The following SLC8A1 variants were observed in gnomAD, a reference collection of about 807,000 sequenced individuals.
SLC8A1 encodes sodium/calcium exchanger 1.
Under a neutral mutation model 68.3 loss-of-function variants are expected in SLC8A1, and 18 were observed. That is an observed-to-expected ratio of 0.26 (90% CI 0.18 to 0.39). The LOEUF is 0.39. Among genes scored for constraint, SLC8A1 ranks in the 10% least tolerant of loss-of-function variants. SLC8A1 has a pLI of 1.00. For missense variants in SLC8A1, 985 were observed against 1,156.7 expected (o/e 0.85, Z 2.15); for synonymous variants, 475 against 415.5 (o/e 1.14, Z -1.74).
chr2:40,488,737 C>T (rs1044108182), intron 1 of SLC8A1, among the ~76,000 whole-genome samples: 9 of 151,858 alleles, frequency 5.9e-5, no homozygotes, highest in East Asian at 1.9e-4. Context: ...TTCTTTGTGC[C>T]GTGTTAATAT....
chr2:40,133,488 G>T (rs1376698187), intron 7 of SLC8A1, among the ~76,000 whole-genome samples: 1 of 151,640 alleles, frequency 6.6e-6, no homozygotes, highest in Non-Finnish European at 1.5e-5. Flanking sequence ...AGAATCCAAG[G>T]GATAAAAGAA....
intron 2 of SLC8A1, among the ~76,000 whole-genome samples, chr2:40,236,948 T>C (rs1410909632): frequency 2.0e-5 from 3 of 152,192 alleles, no homozygotes; most frequent in African/African-American, 7.2e-5. Context: ...TTCTGGCTTG[T>C]AGGGTTTCTG....
At chr2:40,118,101 T>A (rs2035892359) in intron 7 of SLC8A1, among the ~76,000 whole-genome samples, 1 of 152,214 alleles carries the variant, frequency 6.6e-6, no homozygotes. Context: ...GCAACGTGTG[T>A]ATTCTCATTC....
intron 2 of SLC8A1, among the ~76,000 whole-genome samples, chr2:40,415,789 G>A (rs1344272794): frequency 6.6e-6 from 1 of 151,320 alleles, no homozygotes; most frequent in East Asian, 1.9e-4. Flanking sequence ...CCAGGGGTGG[G>A]TCACACCTGA....
At chr2:40,346,029 A>T (rs1296967345) in intron 2 of SLC8A1, among the ~76,000 whole-genome samples, 1 of 134,606 alleles carries the variant, frequency 7.4e-6, no homozygotes, top group South Asian at 2.4e-4. Context: ...AAATAAACAC[A>T]CTCATCAACA....
chr2:40,147,855 A>T (rs2042740174), intron 6 of SLC8A1, among the ~76,000 whole-genome samples: 1 of 152,164 alleles, frequency 6.6e-6, no homozygotes, highest in African/African-American at 2.4e-5. Flanking sequence ...TGTTACTTTT[A>T]TGCATGTAGG....
At chr2:40,280,315 C>T (rs1056407717) in intron 2 of SLC8A1, among the ~76,000 whole-genome samples, 2 of 146,322 alleles carry the variant, frequency 1.4e-5, no homozygotes, top group African/African-American at 5.0e-5. Context: ...TTTAATTTTA[C>T]CATTCTGTCA....
intron 2 of SLC8A1, among the ~76,000 whole-genome samples, chr2:40,409,818 G>A (rs1298429990): frequency 6.6e-6 from 1 of 152,140 alleles, no homozygotes; most frequent in Non-Finnish European, 1.5e-5. Flanking sequence ...AGTCATTCAT[G>A]TGTGGTCCCC....
At chr2:40,164,248 CA>C (rs1488199989) in intron 5 of SLC8A1, among the ~76,000 whole-genome samples, 2 of 152,120 alleles carry the variant, frequency 1.3e-5, no homozygotes, top group African/African-American at 4.8e-5. Flanking sequence ...TCAACTTCTG[CA>C]AAAATGACTT....
rs1403581681 is a variant in SLC8A1, at chr2:40,470,936, ATCT to A, written c.-24-40635_-24-40633del. Among the ~76,000 whole-genome samples, 3 of 152,344 alleles carry A rather than the reference ATCT, an allele frequency of 2.0e-5. No homozygotes were observed. In the East Asian group the frequency reaches 5.8e-4, roughly 29 times the overall value. ...ACTTAAATGTAACACATACCACTGT[ATCT>A]TCTTCTCTTAAATCTCATGGTACAG... On this transcript the variant is annotated intron_variant, in intron 1 of 7. Transcript: ENST00000402441.
chr2:40,423,950 A>G (rs768008505), intron 2 of SLC8A1, among the ~76,000 whole-genome samples: 8 of 152,004 alleles, frequency 5.3e-5, no homozygotes, highest in Non-Finnish European at 1.0e-4. Flanking sequence ...ATAATCCACT[A>G]AAGCAGAAAT....
At chr2:40,136,929 C>T (rs1459371705) in intron 7 of SLC8A1, among the ~76,000 whole-genome samples, 1 of 152,164 alleles carries the variant, frequency 6.6e-6, no homozygotes, top group Non-Finnish European at 1.5e-5. Flanking sequence ...TTATGGAATT[C>T]TCTCAATAAC....
At chr2:40,473,525 C>A (rs1458814791) in intron 1 of SLC8A1, among the ~76,000 whole-genome samples, 2 of 152,118 alleles carry the variant, frequency 1.3e-5, no homozygotes, top group African/African-American at 4.8e-5. Flanking sequence ...AATAATATGT[C>A]TTGTAAAGAC....
intron 2 of SLC8A1, among the ~76,000 whole-genome samples, chr2:40,289,355 C>A (rs958390643): frequency 6.6e-6 from 1 of 151,978 alleles, no homozygotes; most frequent in African/African-American, 2.4e-5. Flanking sequence ...TCCAACTTCT[C>A]TATTCAGGTT....
intron 7 of SLC8A1, among the ~76,000 whole-genome samples, chr2:40,138,979 C>T (rs78476689): frequency 0.01 from 1,553 of 152,210 alleles, 33 homozygotes; most frequent in African/African-American, 0.036. Flanking sequence ...GTACGTTTTC[C>T]TAGTTACCTA....
intron 2 of SLC8A1, among the ~76,000 whole-genome samples, chr2:40,253,601 G>A (rs576185252): frequency 1.1e-4 from 16 of 152,054 alleles, no homozygotes; most frequent in South Asian, 4.1e-4. Context: ...CGAGGCAGGC[G>A]GATCACCTGA....
intron 2 of SLC8A1, among the ~76,000 whole-genome samples, chr2:40,306,785 C>T (rs1417026678): frequency 1.3e-5 from 2 of 152,080 alleles, no homozygotes; most frequent in African/African-American, 4.8e-5. Context: ...GCTGGTTGGC[C>T]AGGTGAAGTA....
intron 1 of SLC8A1, among the ~76,000 whole-genome samples, chr2:40,502,999 A>C (rs1329912340): frequency 6.6e-6 from 1 of 151,810 alleles, no homozygotes; most frequent in Non-Finnish European, 1.5e-5. Context: ...TGGTCTGGAA[A>C]GAGGGATAAA....
At chr2:40,189,084 C>A (rs1342840155) in intron 2 of SLC8A1, among the ~76,000 whole-genome samples, 4 of 152,066 alleles carry the variant, frequency 2.6e-5, no homozygotes, top group African/African-American at 9.7e-5. Flanking sequence ...TACCAGATTT[C>A]TTTTTTTAAA....
Sources: allele counts gnomAD v4.1 joint callset (sites outside exome capture counted in the v4.1 genomes callset), GRCh38; gene constraint gnomAD v4.1.1; transcripts MANE v1.5; gene names NCBI Gene and HGNC (gene_info 2026-07-23, HGNC 2026-07-21).